MSH4: variants seen among roughly 807,000 people sequenced by gnomAD.
The protein encoded by MSH4 is mutS protein homolog 4.
In MSH4, 106 loss-of-function variants were observed where a neutral mutation model predicts 113.7. The ratio of observed to expected loss-of-function variants is 0.93; its 90% CI spans 0.80 to 1.10. The LOEUF is 1.10. Among genes scored for constraint, MSH4 ranks in the 50% least tolerant of loss-of-function variants. The probability of loss-of-function intolerance (pLI) is 0.00; values close to 1 mark genes in which losing one functional copy is unlikely to be tolerated. For synonymous variants in MSH4, 368 were observed against 380.2 expected (o/e 0.97, Z 0.37); for missense variants, 1,061 against 1,093.7 (o/e 0.97, Z 0.42).
At chr1:75,833,165 T>G (rs1650744581) in intron 7 of MSH4, among the ~76,000 whole-genome samples, 1 of 152,178 alleles carries the variant, frequency 6.6e-6, no homozygotes, top group South Asian at 2.1e-4. Context: ...AGCCAACTCA[T>G]GAGTGAACTC....
rs1270650434 is a variant in MSH4, at chr1:75,880,083, T to C, written c.1711T>C (p.Ser571Pro). The C allele has an allele frequency of 3.1e-6, 5 of 1,597,840 alleles. No homozygotes were observed. The South Asian group carries it at 4.6e-5, about 15-fold the overall frequency. ...SKVKNSYSFT[S>P]ADLIKMNERC... ...AGTGAAAAATTCTTACAGCTTTACA[T>C]CAGCAGATTTAATTAAAATGAATGA... The change falls in exon 13 of 20, where the codon TCA (serine) becomes CCA (proline). Residue 571 changes from serine to proline, a missense_variant. Ser to Pro is a moderately conservative substitution (Grantham distance 74). Transcript: ENST00000263187.
intron 7 of MSH4, among the ~76,000 whole-genome samples, chr1:75,834,747 G>A (rs760679221): frequency 5.9e-5 from 9 of 152,228 alleles, no homozygotes; most frequent in Non-Finnish European, 1.0e-4. Context: ...ACTTGGACAC[G>A]GGATAAGGAA....
At chr1:75,823,257 A>T (rs948166438) in intron 7 of MSH4, among the ~76,000 whole-genome samples, 3 of 152,218 alleles carry the variant, frequency 2.0e-5, no homozygotes, top group Non-Finnish European at 2.9e-5. Flanking sequence ...TAATAACCTC[A>T]CATTAGCTTG....
At chr1:75,878,960 T>A (rs772425788) in intron 11 of MSH4, 32 bp from the exon 12 acceptor site, 1 of 1,571,394 alleles carries the variant, frequency 6.4e-7, no homozygotes, top group Middle Eastern at 1.7e-4. Context: ...TCATTTTGTT[T>A]TGTTTTTGTT....
At chr1:75,806,884 T>G (rs1408308932) in intron 2 of MSH4, 97 bp from the exon 3 acceptor site, 1 of 1,115,784 alleles carries the variant, frequency 9.0e-7, no homozygotes, top group Non-Finnish European at 1.2e-6. Context: ...CAGATTGCAT[T>G]ATTTTGTCCT....
chr1:75,816,199 A>G (rs5745376), intron 5 of MSH4, among the ~76,000 whole-genome samples, 174 bp from the exon 6 acceptor site: 10,924 of 152,130 alleles, frequency 0.072, 515 homozygotes, highest in African/African-American at 0.13. Flanking sequence ...ATTTTCATTC[A>G]TTTTTATGAT....
intron 9 of MSH4, 88 bp downstream of exon 9, chr1:75,867,676 C>G: frequency 3.8e-6 from 3 of 796,932 alleles, no homozygotes; most frequent in Non-Finnish European, 6.1e-6. Context: ...CGGAAAATTG[C>G]AAGAATAACA....
intron 11 of MSH4, 22 bp downstream of exon 11, chr1:75,878,340 GT>G (rs1321711800): frequency 2.6e-5 from 41 of 1,551,732 alleles, no homozygotes; most frequent in Non-Finnish European, 3.1e-5. Flanking sequence ...ATTTGATAAT[GT>G]TTTTTGTAGG....
intron 17 of MSH4, among the ~76,000 whole-genome samples, chr1:75,894,262 G>A (rs1652323346): frequency 6.6e-6 from 1 of 152,180 alleles, no homozygotes; most frequent in Non-Finnish European, 1.5e-5. Flanking sequence ...AGGTGGAAAA[G>A]TTACTGTAAT....
intron 8 of MSH4, among the ~76,000 whole-genome samples, chr1:75,854,611 C>T (rs1360027163): frequency 6.6e-6 from 1 of 152,162 alleles, no homozygotes; most frequent in Non-Finnish European, 1.5e-5. Flanking sequence ...TTTGCCACCC[C>T]CACACCAACG....
intron 8 of MSH4, among the ~76,000 whole-genome samples, chr1:75,859,504 T>C (rs1401309453): frequency 2.0e-5 from 3 of 152,218 alleles, no homozygotes; most frequent in African/African-American, 7.2e-5. Flanking sequence ...TATTTCTCCC[T>C]TCATTTTGTT....
chr1:75,893,270 C>T (rs906382043), intron 17 of MSH4, among the ~76,000 whole-genome samples: 14 of 152,162 alleles, frequency 9.2e-5, no homozygotes, highest in Admixed American at 2.6e-4. Context: ...GAAGGAAATC[C>T]TTATCTCCTA....
intron 7 of MSH4, among the ~76,000 whole-genome samples, chr1:75,828,388 CA>C (rs1650603469): frequency 6.6e-6 from 1 of 152,114 alleles, no homozygotes; most frequent in South Asian, 2.1e-4. Flanking sequence ...TTCACGGCAG[CA>C]AAGACATGGA....
chr1:75,814,608 A>G (rs569256550), intron 4 of MSH4, among the ~76,000 whole-genome samples: 9 of 152,298 alleles, frequency 5.9e-5, no homozygotes, highest in South Asian at 2.1e-4. Context: ...ATGATAGACT[A>G]TGGAAAGATG....
intron 8 of MSH4, among the ~76,000 whole-genome samples, chr1:75,856,391 A>C (rs762140131): frequency 6.6e-6 from 1 of 152,092 alleles, no homozygotes; most frequent in Non-Finnish European, 1.5e-5. Flanking sequence ...TGCACCTATC[A>C]ACCCATCACC....
intron 17 of MSH4, among the ~76,000 whole-genome samples, chr1:75,893,099 G>C (rs1037499902): frequency 6.6e-6 from 1 of 152,202 alleles, no homozygotes; most frequent in Non-Finnish European, 1.5e-5. Flanking sequence ...GCTTCCAAAA[G>C]CAGGACTTAA....
At chr1:75,864,285 G>T (rs566759461) in intron 8 of MSH4, among the ~76,000 whole-genome samples, 9 of 152,146 alleles carry the variant, frequency 5.9e-5, no homozygotes, top group Admixed American at 2.6e-4. Flanking sequence ...CTTTTGAGTT[G>T]CTGACAGTTT....
Position 75,876,948 on chromosome 1 carries a change from A to T in MSH4, c.1318A>T (p.Asn440Tyr). The change falls in exon 10 of 20, where the codon AAC becomes TAC. Residue 440 changes from asparagine (N) to tyrosine (Y), a missense_variant. Asn to Tyr is a moderately radical substitution (Grantham distance 143, BLOSUM62 -2). Transcript: ENST00000263187. The part of the protein sequence containing the change: ...LVDPLKIAMK[N>Y]CNTPLLRAYY... ...TATTCTTTAATAGATTGCTATGAAG[A>T]ACTGTAACACACCTTTATTAAGAGC... 6.4e-7 allele frequency: 1 copy of T among 1,553,672 alleles called. No homozygotes were observed. The highest frequency in any genetic ancestry group is 8.7e-7 in the Non-Finnish European group (1 of 1,149,274).
At chr1:75,806,066 A>G (rs1650052402) in intron 2 of MSH4, among the ~76,000 whole-genome samples, 1 of 151,968 alleles carries the variant, frequency 6.6e-6, no homozygotes, top group Non-Finnish European at 1.5e-5. Context: ...TTTCCTGATT[A>G]CTAGTGAGAT....
Sources: gnomAD v4.1 joint callset for allele counts (sites outside exome capture counted in the v4.1 genomes callset) on GRCh38, gnomAD v4.1.1 for gene constraint, MANE v1.5 for transcripts, NCBI Gene and HGNC (gene_info 2026-07-23, HGNC 2026-07-21) for gene names.